Variants in SGCG observed in about 807,000 individuals in gnomAD.
SGCG encodes gamma-sarcoglycan.
A neutral mutation model predicts 29.3 loss-of-function variants in SGCG; 26 were observed. The ratio of observed to expected loss-of-function variants is 0.89; its 90% CI spans 0.65 to 1.23. The LOEUF (loss-of-function observed/expected upper bound fraction) is 1.23, where lower values mean the gene tolerates loss of function less well. SGCG is among the 50% of genes most tolerant of loss of function. SGCG has a pLI of 0.00. For missense variants in SGCG, 353 were observed against 356.0 expected, an observed-to-expected ratio of 0.99 and a Z score of 0.07; for synonymous variants, 145 against 129.7, an observed-to-expected ratio of 1.12 and a Z score of -0.80.
intron 4 of SGCG, among the ~76,000 whole-genome samples, chr13:23,266,247 G>A (rs1398926246): frequency 6.6e-6 from 1 of 150,642 alleles, no homozygotes; most frequent in Non-Finnish European, 1.5e-5. Flanking sequence ...ACTCCAGCCT[G>A]GGCAACAGAG....
chr13:23,161,079 GAGTGTCTGCACCAAGTGCAA>G, the SGCG span, among the ~76,000 whole-genome samples: 1 of 152,146 alleles, frequency 6.6e-6, no homozygotes, highest in African/African-American at 2.4e-5. Flanking sequence ...TGAGTAAGCG[GAGTGTCTGCACCAAGTGCAA>G]AGTTGCGTAG....
intron 5 of SGCG, among the ~76,000 whole-genome samples, chr13:23,293,230 T>G (rs35284171): frequency 0.09 from 13,781 of 152,308 alleles, 683 homozygotes; most frequent in South Asian, 0.13. Flanking sequence ...GAGTATAATT[T>G]ACATAAATTA....
chr13:23,167,619 T>C, the SGCG span, among the ~76,000 whole-genome samples: 49 of 152,204 alleles, frequency 3.2e-4, 1 homozygote, highest in Admixed American at 4.6e-4. Context: ...CAGTATCTTG[T>C]TGTAGTTTTT....
chr13:23,320,594 A>T, intron 6 of SGCG, 43 bp from the exon 7 acceptor site: 1 of 1,452,432 alleles, frequency 6.9e-7, no homozygotes, highest in Non-Finnish European at 9.3e-7. Flanking sequence ...GCTATTTTTA[A>T]TACTTTTTTT....
chr13:23,203,412 T>A (rs1036932639), intron 1 of SGCG, among the ~76,000 whole-genome samples: 2 of 152,228 alleles, frequency 1.3e-5, no homozygotes, highest in African/African-American at 2.4e-5. Flanking sequence ...TTTATTAACA[T>A]CTGAATTTAT....
intron 4 of SGCG, among the ~76,000 whole-genome samples, chr13:23,259,743 G>A (rs376326497): frequency 6.6e-6 from 1 of 152,146 alleles, no homozygotes; most frequent in Non-Finnish European, 1.5e-5. Flanking sequence ...GGTACATTGT[G>A]TCTTTGTTCT....
chr13:23,172,588 C>T, the SGCG span, among the ~76,000 whole-genome samples: 1 of 152,196 alleles, frequency 6.6e-6, no homozygotes, highest in East Asian at 1.9e-4. Flanking sequence ...GAGTATGTAG[C>T]TATCTGCCTC....
chr13:23,291,523 G>A (rs1258523072), intron 5 of SGCG, among the ~76,000 whole-genome samples: 1 of 152,108 alleles, frequency 6.6e-6, no homozygotes, highest in Non-Finnish European at 1.5e-5. Context: ...GTTCTGAGGA[G>A]CATTTAACTT....
At chr13:23,163,768 G>A in the SGCG span, among the ~76,000 whole-genome samples, 6 of 152,194 alleles carry the variant, frequency 3.9e-5, no homozygotes, top group African/African-American at 1.4e-4. Flanking sequence ...TAAGAAAAGG[G>A]AAAATTTTTA....
chr13:23,243,366 T>A (rs1879581833), intron 3 of SGCG, among the ~76,000 whole-genome samples: 1 of 152,146 alleles, frequency 6.6e-6, no homozygotes, highest in South Asian at 2.1e-4. Context: ...TGCTGGTGCA[T>A]GTGCCTTTTT....
At chr13:23,165,747 G>A in the SGCG span, among the ~76,000 whole-genome samples, 11 of 152,098 alleles carry the variant, frequency 7.2e-5, no homozygotes, top group African/African-American at 2.2e-4. Flanking sequence ...GGGTGGTCTC[G>A]AACTCCTGAC....
chr13:23,243,813 A>G (rs1035933849), intron 3 of SGCG: 2 of 152,188 alleles, frequency 1.3e-5, no homozygotes, highest in Non-Finnish European at 2.9e-5. Flanking sequence ...TACTTTATAA[A>G]ATACAGGATA....
intron 2 of SGCG, among the ~76,000 whole-genome samples, chr13:23,211,689 C>T (rs542112): frequency 0.24 from 37,249 of 152,110 alleles, 4,887 homozygotes; most frequent in Middle Eastern, 0.33. Flanking sequence ...GCTTCTTGAC[C>T]GCAGGCTGGG....
rs376184429 is a variant in SGCG at position 23,250,686 on chromosome 13, A to G, written c.354A>G (p.Ser118=). ...ATGTGACTGTAAATGCGCGCAACTCAGAAGGGGAGGTCACAGGCAGGTTAA... is the reference window on the plus strand; with the variant it reads ...ATGTGACTGTAAATGCGCGCAACTCGGAAGGGGAGGTCACAGGCAGGTTAA... ...TQNVTVNARN[S]EGEVTGRLKV... is the part of the protein sequence containing the mutation. Residue 118 remains serine, a synonymous_variant, in exon 4 of 8, where the codon TCA becomes TCG. Transcript: ENST00000218867. 2.7e-5 allele frequency: 43 copies of G among 1,612,226 alleles called. No individual in the cohort carries two copies. The African/African-American group carries it at 4.3e-4, about 16-fold the overall frequency.
chr13:23,176,554 CCT>C (rs558728189), upstream of SGCG, among the ~76,000 whole-genome samples: 974 of 151,878 alleles, frequency 6.4e-3, 8 homozygotes, highest in Non-Finnish European at 6.4e-3. Context: ...TACAACTACC[CCT>C]GTTTACTTAT....
chr13:23,192,586 G>C (rs938542488), intron 1 of SGCG, among the ~76,000 whole-genome samples: 1 of 151,840 alleles, frequency 6.6e-6, no homozygotes, highest in Non-Finnish European at 1.5e-5. Context: ...AGTAGAGACG[G>C]GGTTTCACCA....
intron 4 of SGCG, among the ~76,000 whole-genome samples, chr13:23,278,269 C>G (rs1279290799): frequency 1.3e-5 from 2 of 151,976 alleles, no homozygotes; most frequent in African/African-American, 4.8e-5. Context: ...TATAGTAAAA[C>G]CCCGTCTCTA....
intron 2 of SGCG, among the ~76,000 whole-genome samples, chr13:23,219,562 T>C (rs1878574285): frequency 6.6e-6 from 1 of 152,098 alleles, no homozygotes; most frequent in South Asian, 2.1e-4. Flanking sequence ...TTATTTTGCA[T>C]AGCAGGGTGA....
chr13:23,314,584 C>T (rs1454302682), intron 6 of SGCG, among the ~76,000 whole-genome samples: 3 of 151,614 alleles, frequency 2.0e-5, no homozygotes, highest in South Asian at 2.1e-4. Flanking sequence ...GATCACTTTT[C>T]GCTCCCACAA....
Sources: gnomAD v4.1 joint callset for allele counts (sites outside exome capture counted in the v4.1 genomes callset) on GRCh38, gnomAD v4.1.1 for gene constraint, MANE v1.5 for transcripts, NCBI Gene and HGNC (gene_info 2026-07-23, HGNC 2026-07-21) for gene names.